Variants in SLIT3 observed in about 807,000 individuals in gnomAD.
SLIT3 encodes slit guidance ligand 3.
SLIT3 carries 68 observed loss-of-function variants against 184.0 expected under a neutral mutation model. The ratio of observed to expected loss-of-function variants is 0.37; its 90% CI spans 0.30 to 0.45. The LOEUF (loss-of-function observed/expected upper bound fraction) is 0.45. Ranked by LOEUF, SLIT3 falls within the 20% of genes least tolerant of loss-of-function variation. SLIT3 has a pLI of 1.00. For synonymous variants in SLIT3, 831 were observed against 828.6 expected (o/e 1.00, Z -0.05); for missense variants, 1,707 against 2,026.0 (o/e 0.84, Z 3.02).
intron 5 of SLIT3, among the ~76,000 whole-genome samples, chr5:168,866,212 T>C (rs1292151588): frequency 6.6e-6 from 1 of 152,196 alleles, no homozygotes; most frequent in Non-Finnish European, 1.5e-5. Context: ...CCAGACTCCA[T>C]CCTCAGCTTG....
chr5:169,125,321 A>G (rs1761042876), intron 4 of SLIT3, among the ~76,000 whole-genome samples: 1 of 152,208 alleles, frequency 6.6e-6, no homozygotes, highest in South Asian at 2.1e-4. Context: ...GCTTGGGATT[A>G]TAGGCATGAA....
In SLIT3 at chr5:168,696,341, G is replaced by A. The variant is rs61746224; in HGVS notation, c.3033C>T (p.Cys1011=). Residue 1011 remains cysteine, a synonymous_variant, in exon 28 of 36, where the codon TGC becomes TGT. Transcript: ENST00000519560. The stretch of plus-strand genomic sequence containing the variant: ...ACACGTAGTTGTTGATCCCGTCCAC[G>A]CAGGTGGCATTGTTTTCGCAGTCGT... ...EDNDCENNAT[C]VDGINNYVCI... is the part of the protein sequence containing the mutation. 893 of 1,614,166 alleles carry A rather than the reference G, an allele frequency of 5.5e-4. 2 individuals are homozygous for A. The African/African-American group carries it at 6.7e-3, about 12-fold the overall frequency.
chr5:168,910,331 G>T (rs1051476628), intron 4 of SLIT3, among the ~76,000 whole-genome samples: 3 of 152,186 alleles, frequency 2.0e-5, no homozygotes, highest in South Asian at 2.1e-4. Flanking sequence ...GACATTTAAA[G>T]AAATATTTTC....
intron 4 of SLIT3, among the ~76,000 whole-genome samples, chr5:169,016,567 T>C (rs1756382427): frequency 6.6e-6 from 1 of 152,234 alleles, no homozygotes; most frequent in Non-Finnish European, 1.5e-5. Flanking sequence ...ATTAAAAACA[T>C]ATAATACATG....
intron 4 of SLIT3, among the ~76,000 whole-genome samples, chr5:169,188,450 C>T (rs528325889): frequency 1.3e-5 from 2 of 152,298 alleles, no homozygotes; most frequent in South Asian, 2.1e-4. Flanking sequence ...CAAGATCATG[C>T]TCCATCCTGT....
At chr5:168,765,932 T>G (rs1398206837) in intron 14 of SLIT3, among the ~76,000 whole-genome samples, 6 of 148,528 alleles carry the variant, frequency 4.0e-5, no homozygotes, top group Admixed American at 2.0e-4. Context: ...GACGGGGGGG[T>G]GGGGGTAGGA....
intron 12 of SLIT3, among the ~76,000 whole-genome samples, chr5:168,776,851 A>C (rs943059179): frequency 2.0e-5 from 3 of 152,016 alleles, no homozygotes; most frequent in Non-Finnish European, 4.4e-5. Context: ...TTTAAAGTAC[A>C]CACATGGTGA....
At chr5:168,747,404 C>G (rs963044543) in intron 20 of SLIT3, among the ~76,000 whole-genome samples, 2 of 152,176 alleles carry the variant, frequency 1.3e-5, no homozygotes, top group African/African-American at 4.8e-5. Context: ...CATTGTCTCT[C>G]CAATGTGAGC....
intron 3 of SLIT3, among the ~76,000 whole-genome samples, chr5:169,203,632 G>T (rs1443587689): frequency 6.6e-6 from 1 of 152,172 alleles, no homozygotes; most frequent in Non-Finnish European, 1.5e-5. Flanking sequence ...TTTTGCACAT[G>T]CTCTTCCCTT....
chr5:168,903,366 G>A (rs910269522), intron 4 of SLIT3, among the ~76,000 whole-genome samples: 1 of 152,062 alleles, frequency 6.6e-6, no homozygotes. Context: ...TTCCAGCACA[G>A]TTTTCCCTGT....
chr5:168,808,860 G>A lies in SLIT3; in HGVS notation c.794-2273C>T, dbSNP rs377569658. ...TCAGGGTGTTTGAAGTACAGATGGCGTTCCCTAAAGAAAACTGCGGAGCCT... is the reference window on the plus strand; with the variant it reads ...TCAGGGTGTTTGAAGTACAGATGGCATTCCCTAAAGAAAACTGCGGAGCCT... On this transcript the variant is annotated intron_variant, in intron 8 of 35. Transcript: ENST00000519560. Among the ~76,000 whole-genome samples, 48 of 152,264 alleles carry A rather than the reference G, an allele frequency of 3.2e-4. No homozygotes were observed. The Middle Eastern group carries it at 0.01, about 32-fold the overall frequency.
At chr5:168,813,871 C>A (rs1275814488) in intron 8 of SLIT3, among the ~76,000 whole-genome samples, 2 of 152,188 alleles carry the variant, frequency 1.3e-5, no homozygotes, top group Non-Finnish European at 2.9e-5. Context: ...ATTTTTGATA[C>A]CATTTAAAGG....
chr5:168,882,100 C>T (rs1302375457), intron 5 of SLIT3, among the ~76,000 whole-genome samples: 14 of 152,212 alleles, frequency 9.2e-5, no homozygotes, highest in Admixed American at 5.2e-4. Context: ...ATCTGGAAGC[C>T]ATCACCAGCT....
intron 4 of SLIT3, among the ~76,000 whole-genome samples, chr5:168,983,634 G>A (rs1755025998): frequency 1.3e-5 from 2 of 152,128 alleles, no homozygotes; most frequent in African/African-American, 4.8e-5. Flanking sequence ...GCAAAATGGG[G>A]GAGCCTAACT....
At chr5:169,142,076 A>G (rs1057042040) in intron 4 of SLIT3, among the ~76,000 whole-genome samples, 1 of 37,098 alleles carries the variant, frequency 2.7e-5, no homozygotes, top group Non-Finnish European at 4.5e-5. Flanking sequence ...TAAAAATAAA[A>G]ATAAAAATAA....
intron 4 of SLIT3, among the ~76,000 whole-genome samples, chr5:169,152,161 G>A (rs1179979883): frequency 1.3e-5 from 2 of 152,206 alleles, no homozygotes; most frequent in Non-Finnish European, 2.9e-5. Flanking sequence ...CAGGTTTGAA[G>A]TCAGGGGGCC....
intron 1 of SLIT3, among the ~76,000 whole-genome samples, chr5:169,273,025 A>G (rs2113635008): frequency 6.6e-6 from 1 of 152,202 alleles, no homozygotes; most frequent in Non-Finnish European, 1.5e-5. Context: ...GAAACCCAAG[A>G]ATAAACTCAG....
At position 168,753,946 on chromosome 5, in the gene SLIT3, C is replaced by A; in HGVS notation, c.1747G>T (p.Val583Leu). Residue 583 changes from valine (V) to leucine (L), a missense_variant, in exon 17 of 36, where the codon GTG (valine) becomes TTG (leucine). Val to Leu is a conservative substitution (Grantham distance 32). Coordinates refer to ENST00000519560, the MANE Select transcript of SLIT3 (RefSeq NM_003062.4). ...TTCCCTGTCAGCATCAGCTCCTGCA[C>A]GCTGGCTGCTCCATCGAAAGCTCCC... Reference protein sequence around the residue: ...REGAFDGAASVQELMLTGNQL... With the variant: ...REGAFDGAASLQELMLTGNQL... The A allele has an allele frequency of 1.2e-6, 2 of 1,611,584 alleles. No homozygotes were observed. The highest frequency in any genetic ancestry group is 1.7e-6 in the Non-Finnish European group (2 of 1,179,858).
chr5:169,159,778 A>C (rs1267990806), intron 4 of SLIT3, among the ~76,000 whole-genome samples: 1 of 152,144 alleles, frequency 6.6e-6, no homozygotes, highest in Non-Finnish European at 1.5e-5. Flanking sequence ...TCCGTCTCTT[A>C]AACAAACAAA....
Sources: gnomAD v4.1 joint callset for allele counts (sites outside exome capture counted in the v4.1 genomes callset) on GRCh38, gnomAD v4.1.1 for gene constraint, MANE v1.5 for transcripts, NCBI Gene and HGNC (gene_info 2026-07-23, HGNC 2026-07-21) for gene names.